KDM3B: variants seen among roughly 807,000 people sequenced by gnomAD.
KDM3B encodes the protein lysine-specific demethylase 3B.
A neutral mutation model predicts 170.0 loss-of-function variants in KDM3B; 10 were observed. The observed-to-expected ratio is 0.06, with a 90% CI of 0.04 to 0.10. The LOEUF (loss-of-function observed/expected upper bound fraction) is 0.10. Among genes scored for constraint, KDM3B ranks in the 10% least tolerant of loss-of-function variants. The pLI, the probability that KDM3B is intolerant of heterozygous loss-of-function variation, is 1.00. For synonymous variants in KDM3B, 831 were observed against 834.8 expected (o/e 1.00, Z 0.08); for missense variants, 1,394 against 2,195.2 (o/e 0.64, Z 7.29).
At chr5:138,389,677 C>G (rs1380155943) in intron 7 of KDM3B, among the ~76,000 whole-genome samples, 1 of 151,726 alleles carries the variant, frequency 6.6e-6, no homozygotes, top group Non-Finnish European at 1.5e-5. Flanking sequence ...TGAAAGTAAT[C>G]TATGGTTAGC....
intron 7 of KDM3B, among the ~76,000 whole-genome samples, chr5:138,389,223 A>G (rs1762359257): frequency 6.6e-6 from 1 of 152,228 alleles, no homozygotes; most frequent in Non-Finnish European, 1.5e-5. Flanking sequence ...AAGAAAAAAG[A>G]AAAGGAGTTT....
chr5:138,380,800 T>G (rs1009841881), intron 5 of KDM3B, among the ~76,000 whole-genome samples: 19 of 152,272 alleles, frequency 1.2e-4, no homozygotes, highest in Middle Eastern at 3.4e-3. Flanking sequence ...CTCGAACTCC[T>G]GGTCCTCCTG....
At chr5:138,416,479 C>T (rs1177196038) in intron 12 of KDM3B, among the ~76,000 whole-genome samples, 1 of 150,806 alleles carries the variant, frequency 6.6e-6, no homozygotes, top group Non-Finnish European at 1.5e-5. Context: ...ATCCCAACTA[C>T]TAGGGAGGCT....
At chr5:138,376,281 C>T (rs993056049) in intron 3 of KDM3B, among the ~76,000 whole-genome samples, 19 of 152,128 alleles carry the variant, frequency 1.2e-4, no homozygotes, top group Admixed American at 5.2e-4. Context: ...CCCAACCTCC[C>T]TGTGCATTTT....
At chr5:138,390,515 G>A (rs1247992986) in intron 7 of KDM3B, among the ~76,000 whole-genome samples, 1 of 152,140 alleles carries the variant, frequency 6.6e-6, no homozygotes, top group Non-Finnish European at 1.5e-5. Context: ...CAGTAGGCTT[G>A]TCCTAGGATT....
intron 1 of KDM3B, among the ~76,000 whole-genome samples, chr5:138,359,307 G>A (rs1464256156): frequency 2.0e-5 from 3 of 151,680 alleles, no homozygotes; most frequent in Non-Finnish European, 2.9e-5. Flanking sequence ...GATTACAGGC[G>A]TGTGCCACCA....
chr5:138,391,026 C>T lies in KDM3B; in HGVS notation c.1394C>T (p.Ser465Phe). Residue 465 changes from serine (S) to phenylalanine (F), a missense_variant, in exon 8 of 24, where the codon TCT becomes TTT. Around this residue, in one of 19 missense-constraint regions of KDM3B, gnomAD observed 205 missense variants for 227.6 expected, o/e 0.90. Coordinates refer to ENST00000314358, the MANE Select transcript of KDM3B (RefSeq NM_016604.4). This position sits in a 1 kb window ranked among gnomAD's most constrained non-coding sequence, Gnocchi z 5.0. ...SQASGENSRN[S>F]ILASSGFGAP... Reference sequence around the variant, plus strand: ...TCTTCCTTTCAGAATTCAAGAAATTCTATTCTGGCCTCTTCTGGATTTGGA... The same window carrying T: ...TCTTCCTTTCAGAATTCAAGAAATTTTATTCTGGCCTCTTCTGGATTTGGA... The T allele has an allele frequency of 6.4e-7, 1 of 1,554,402 alleles. No individual in the cohort carries two copies. The highest frequency in any genetic ancestry group is 8.7e-7 in the Non-Finnish European group (1 of 1,151,294).
chr5:138,414,014 A>G (rs1342515128), intron 11 of KDM3B, among the ~76,000 whole-genome samples: 1 of 152,220 alleles, frequency 6.6e-6, no homozygotes, highest in Non-Finnish European at 1.5e-5. Flanking sequence ...CATTGCTGCC[A>G]TGGAATACTA....
intron 17 of KDM3B, 189 bp from the exon 18 acceptor site, chr5:138,426,786 G>A: frequency 2.0e-6 from 1 of 503,070 alleles, no homozygotes; most frequent in East Asian, 3.3e-5. Context: ...AGCTACTCAG[G>A]GAGAATCGCT....
intron 15 of KDM3B, among the ~76,000 whole-genome samples, chr5:138,423,535 G>GA (rs917284271): frequency 9.9e-5 from 15 of 152,134 alleles, no homozygotes; most frequent in Non-Finnish European, 1.9e-4. Flanking sequence ...TGGTAGTGAG[G>GA]AAAAAATTGG....
At chr5:138,396,328 C>T (rs1280017770) in intron 9 of KDM3B, among the ~76,000 whole-genome samples, 1 of 151,866 alleles carries the variant, frequency 6.6e-6, no homozygotes, top group African/African-American at 2.4e-5. Flanking sequence ...ATCTCCTGAC[C>T]TCGTGATCCG....
intron 6 of KDM3B, among the ~76,000 whole-genome samples, chr5:138,385,815 C>G (rs183922611): frequency 1.3e-5 from 2 of 152,292 alleles, no homozygotes; most frequent in African/African-American, 4.8e-5. Context: ...GAGTTAACCT[C>G]TAGTAACTAT....
At chr5:138,361,848 A>G (rs919928503) in intron 1 of KDM3B, among the ~76,000 whole-genome samples, 7 of 152,272 alleles carry the variant, frequency 4.6e-5, no homozygotes, top group Admixed American at 4.6e-4. Flanking sequence ...TTTTTGGAAT[A>G]TTTATTGTAG....
At chr5:138,357,196 A>G (rs1265580044) in intron 1 of KDM3B, among the ~76,000 whole-genome samples, 2 of 151,928 alleles carry the variant, frequency 1.3e-5, no homozygotes, top group Non-Finnish European at 2.9e-5. Context: ...CATGTTGCCC[A>G]GGCTGGTCTG....
chr5:138,416,787 T>C (rs1763117935), intron 12 of KDM3B, among the ~76,000 whole-genome samples: 1 of 152,074 alleles, frequency 6.6e-6, no homozygotes, highest in Non-Finnish European at 1.5e-5. Context: ...TTACCTTTTT[T>C]TTAAGGTATA....
intron 11 of KDM3B, among the ~76,000 whole-genome samples, chr5:138,407,578 C>T (rs577101356): frequency 2.6e-5 from 4 of 152,308 alleles, no homozygotes; most frequent in African/African-American, 9.6e-5. Flanking sequence ...GACAACGTAG[C>T]TGCTTCATAC....
At chr5:138,390,470 T>C (rs949686547) in intron 7 of KDM3B, among the ~76,000 whole-genome samples, 1 of 152,198 alleles carries the variant, frequency 6.6e-6, no homozygotes, top group Non-Finnish European at 1.5e-5. Context: ...TTGTGGACTT[T>C]CAGATTAATA....
Position 138,420,733 on chromosome 5 carries a change from A to G in KDM3B, c.3743A>G (p.Asn1248Ser), listed in dbSNP as rs748459921. 1.6e-5 allele frequency: 26 copies of G among 1,614,034 alleles called. No individual in the cohort carries two copies. Among genetic ancestry groups the G allele is most frequent in the Middle Eastern group, 1.6e-4 (1 of 6,084 alleles). Reference protein sequence around the residue: ...KEAGSLRSVLNKESHSPFGLD... With the variant: ...KEAGSLRSVLSKESHSPFGLD... ...GCAGGGTCCCTGAGGTCGGTGCTCAATAAAGAGTCTCATTCACCCTTTGGG... is the reference window on the plus strand; with the variant it reads ...GCAGGGTCCCTGAGGTCGGTGCTCAGTAAAGAGTCTCATTCACCCTTTGGG... Residue 1248 changes from asparagine (N) to serine (S), a missense_variant, in exon 15 of 24, where the codon AAT (asparagine) becomes AGT (serine). By Grantham distance (46) the Asn-to-Ser change is conservative. This residue lies in a region of KDM3B where 137 missense variants were observed against 166.9 expected (regional missense o/e 0.82). Transcript: ENST00000314358.
rs375179164 is a variant in KDM3B at position 138,433,494 on chromosome 5, G to A, written c.5205+1935G>A. ...TGATCTTGGCTCAACTGCATCCTTCGTCTCCTGGGTTTAAGTGATTCTCCT... is the reference window on the plus strand; with the variant it reads ...TGATCTTGGCTCAACTGCATCCTTCATCTCCTGGGTTTAAGTGATTCTCCT... On this transcript the variant is annotated intron_variant, in intron 23 of 23. Coordinates refer to ENST00000314358, the MANE Select transcript of KDM3B (RefSeq NM_016604.4). Among the ~76,000 whole-genome samples, 41 of 148,356 alleles carry A rather than the reference G, an allele frequency of 2.8e-4. No individual in the cohort carries two copies. The East Asian group carries it at 5.6e-3, about 20-fold the overall frequency.
Sources: gnomAD v4.1 joint callset for allele counts (sites outside exome capture counted in the v4.1 genomes callset) on GRCh38, gnomAD v4.1.1 for gene constraint, gnomAD v4.1.1 regional missense constraint, Gnocchi (gnomAD v3.1) non-coding constraint, MANE v1.5 for transcripts, NCBI Gene and HGNC (gene_info 2026-07-23, HGNC 2026-07-21) for gene names.